PPP1R9A: variants seen among roughly 807,000 people sequenced by gnomAD.
The protein encoded by PPP1R9A is neurabin-1.
A neutral mutation model predicts 141.9 loss-of-function variants in PPP1R9A; 59 were observed. The ratio of observed to expected loss-of-function variants is 0.42; its 90% CI spans 0.34 to 0.52. The LOEUF (loss-of-function observed/expected upper bound fraction) is 0.52. Among genes scored for constraint, PPP1R9A ranks in the 20% least tolerant of loss-of-function variants. PPP1R9A has a pLI of 0.10. For synonymous variants in PPP1R9A, 500 were observed against 569.7 expected (o/e 0.88, Z 1.74); for missense variants, 1,444 against 1,611.9 (o/e 0.90, Z 1.78).
chr7:95,228,973 C>T (rs974225496), intron 8 of PPP1R9A, among the ~76,000 whole-genome samples: 8 of 152,064 alleles, frequency 5.3e-5, no homozygotes, highest in Admixed American at 2.0e-4. Flanking sequence ...CATGCTGGCT[C>T]ACATCTATAA....
chr7:95,097,279 G>T (rs979297666), intron 2 of PPP1R9A, among the ~76,000 whole-genome samples: 3 of 152,120 alleles, frequency 2.0e-5, no homozygotes, highest in Admixed American at 6.6e-5. Flanking sequence ...GCCCACCTTG[G>T]CCTCCCAAAT....
intron 4 of PPP1R9A, among the ~76,000 whole-genome samples, chr7:95,141,480 A>G (rs1165464302): frequency 6.6e-6 from 1 of 152,154 alleles, no homozygotes; most frequent in Non-Finnish European, 1.5e-5. Context: ...TACCACTCAA[A>G]AAGAAACCCC....
At chr7:95,000,042 A>T (rs1007346686) in intron 2 of PPP1R9A, among the ~76,000 whole-genome samples, 1 of 152,086 alleles carries the variant, frequency 6.6e-6, no homozygotes, top group Non-Finnish European at 1.5e-5. Flanking sequence ...ACCTCAACTG[A>T]TCTGCTCGCC....
intron 2 of PPP1R9A, among the ~76,000 whole-genome samples, chr7:95,108,307 CTTTTTTTTTTTTTTTTTT>C (rs1166103728): frequency 5.0e-5 from 3 of 59,616 alleles, no homozygotes; most frequent in African/African-American, 2.2e-4. Context: ...CGTTTCTTTT[CTTTTTTTTTTTTTTTTTT>C]TTTTTTTTGA....
chr7:95,047,590 GT>G (rs1003947970), intron 2 of PPP1R9A, among the ~76,000 whole-genome samples: 6 of 152,252 alleles, frequency 3.9e-5, no homozygotes, highest in Admixed American at 2.0e-4. Context: ...TACACTTTTT[GT>G]CAGGTGGTAC....
intron 7 of PPP1R9A, among the ~76,000 whole-genome samples, chr7:95,208,301 A>T (rs925699238): frequency 6.6e-6 from 1 of 152,200 alleles, no homozygotes; most frequent in African/African-American, 2.4e-5. Flanking sequence ...GAATATAGTG[A>T]AGTTGAGCCC....
intron 13 of PPP1R9A, 118 bp downstream of exon 13, chr7:95,268,825 T>C (rs575706285): frequency 1.6e-6 from 2 of 1,215,622 alleles, no homozygotes; most frequent in Non-Finnish European, 2.3e-6. Context: ...GGTAAGCAGC[T>C]AGAATAGTTC....
chr7:94,954,339 A>G (rs1324632187), intron 2 of PPP1R9A, among the ~76,000 whole-genome samples: 1 of 151,930 alleles, frequency 6.6e-6, no homozygotes, highest in Non-Finnish European at 1.5e-5. Context: ...TTACTAATAT[A>G]TTTCAAAGCT....
At chr7:94,924,730 A>G (rs1306960487) in intron 2 of PPP1R9A, among the ~76,000 whole-genome samples, 5 of 152,022 alleles carry the variant, frequency 3.3e-5, no homozygotes, top group African/African-American at 1.2e-4. Flanking sequence ...GGGTTTCACC[A>G]TGTTGGCCAG....
intron 2 of PPP1R9A, among the ~76,000 whole-genome samples, chr7:94,946,224 A>C (rs565648273): frequency 6.6e-6 from 1 of 152,150 alleles, no homozygotes. Flanking sequence ...AAAATGGGGA[A>C]TAGATAAAAA....
intron 2 of PPP1R9A, among the ~76,000 whole-genome samples, chr7:94,942,888 G>A (rs1423359971): frequency 6.6e-6 from 1 of 151,832 alleles, no homozygotes; most frequent in Non-Finnish European, 1.5e-5. Context: ...AGAAAATTGT[G>A]ATCATTTCTT....
intron 2 of PPP1R9A, among the ~76,000 whole-genome samples, chr7:94,979,546 TAAAA>T (rs1270836661): frequency 1.3e-5 from 2 of 152,224 alleles, no homozygotes; most frequent in Non-Finnish European, 1.5e-5. Flanking sequence ...AGTGTGGACT[TAAAA>T]AAAGTTTTTT....
At position 95,050,640 on chromosome 7, in the gene PPP1R9A, C is replaced by T. The variant is rs542733341; in HGVS notation, c.1396-60619C>T. Among the ~76,000 whole-genome samples, 219 of 152,246 alleles carry T rather than the reference C, an allele frequency of 1.4e-3. 2 individuals are homozygous for T. The highest frequency in any genetic ancestry group is 2.6e-3 in the Non-Finnish European group (174 of 68,014). ...TACATGGGAGGCGAGGCAGGAGAAT[C>T]GCTTGAACCTGGGAGGTGGAGGTTG... On this transcript the variant is annotated intron_variant, in intron 2 of 19. Transcript: ENST00000433360.
At chr7:95,219,936 G>C (rs1053795818) in intron 7 of PPP1R9A, among the ~76,000 whole-genome samples, 5 of 152,064 alleles carry the variant, frequency 3.3e-5, no homozygotes, top group Admixed American at 2.6e-4. Context: ...ATAAGGGATG[G>C]TGAAAACAAT....
At chr7:94,978,429 G>C (rs1168419384) in intron 2 of PPP1R9A, among the ~76,000 whole-genome samples, 1 of 152,148 alleles carries the variant, frequency 6.6e-6, no homozygotes, top group Non-Finnish European at 1.5e-5. Context: ...AAATATTACA[G>C]ATTCTCCTTC....
intron 2 of PPP1R9A, among the ~76,000 whole-genome samples, chr7:95,052,708 TC>T (rs1223177907): frequency 1.3e-5 from 2 of 152,210 alleles, no homozygotes; most frequent in African/African-American, 4.8e-5. Flanking sequence ...TGTCAGTTCC[TC>T]ATCTTCTCTC....
chr7:95,243,130 T>A (rs529808105), intron 8 of PPP1R9A, among the ~76,000 whole-genome samples: 3 of 152,272 alleles, frequency 2.0e-5, no homozygotes, highest in Admixed American at 1.3e-4. Flanking sequence ...CTTGGGTCCA[T>A]CTTGCTCACT....
At chr7:95,217,300 G>T (rs1793612512) in intron 7 of PPP1R9A, among the ~76,000 whole-genome samples, 1 of 152,268 alleles carries the variant, frequency 6.6e-6, no homozygotes, top group East Asian at 1.9e-4. Flanking sequence ...AACCAGCCTT[G>T]CATCCCAGTG....
chr7:94,997,117 GT>G (rs1244581485), intron 2 of PPP1R9A, among the ~76,000 whole-genome samples: 2 of 151,860 alleles, frequency 1.3e-5, no homozygotes, highest in African/African-American at 4.8e-5. Flanking sequence ...TACTCTGTAT[GT>G]TTTTGGTCTC....
Sources: allele counts gnomAD v4.1 joint callset (sites outside exome capture counted in the v4.1 genomes callset), GRCh38; gene constraint gnomAD v4.1.1; transcripts MANE v1.5; gene names NCBI Gene and HGNC (gene_info 2026-07-23, HGNC 2026-07-21).